ADGRB3: variants seen among roughly 807,000 people sequenced by gnomAD.
The protein encoded by ADGRB3 is adhesion G protein-coupled receptor B3.
In ADGRB3, 37 loss-of-function variants were observed where a neutral mutation model predicts 193.4. The observed-to-expected ratio is 0.19, with a 90% CI of 0.15 to 0.25. The LOEUF is 0.25. Among genes scored for constraint, ADGRB3 ranks in the 10% least tolerant of loss-of-function variants. The probability of loss-of-function intolerance (pLI) is 1.00; values close to 1 mark genes in which losing one functional copy is unlikely to be tolerated. For missense variants in ADGRB3, 1,637 were observed against 1,852.9 expected (o/e 0.88, Z 2.14); for synonymous variants, 690 against 644.2 (o/e 1.07, Z -1.08).
chr6:68,801,631 G>T (rs572676633), intron 3 of ADGRB3, among the ~76,000 whole-genome samples: 1 of 152,142 alleles, frequency 6.6e-6, no homozygotes, highest in Non-Finnish European at 1.5e-5. Flanking sequence ...AGAGGTTACG[G>T]TGAGCTGAGA....
intron 10 of ADGRB3, among the ~76,000 whole-genome samples, chr6:68,987,020 A>G (rs1769096669): frequency 6.6e-6 from 1 of 152,060 alleles, no homozygotes; most frequent in Non-Finnish European, 1.5e-5. Context: ...AAGAGCAACT[A>G]TTTTTAGACT....
At chr6:68,814,368 T>G (rs1473954546) in intron 3 of ADGRB3, among the ~76,000 whole-genome samples, 1 of 152,212 alleles carries the variant, frequency 6.6e-6, no homozygotes, top group Non-Finnish European at 1.5e-5. Flanking sequence ...TTGAGAAGTG[T>G]CTGTTCATAT....
intron 17 of ADGRB3, among the ~76,000 whole-genome samples, chr6:69,226,772 G>C (rs1404307489): frequency 6.6e-6 from 1 of 152,242 alleles, no homozygotes; most frequent in African/African-American, 2.4e-5. Flanking sequence ...CTTGGGGCTG[G>C]TTAATTGCGT....
intron 3 of ADGRB3, among the ~76,000 whole-genome samples, chr6:68,820,508 C>T (rs1767729461): frequency 6.6e-6 from 1 of 151,940 alleles, no homozygotes; most frequent in Admixed American, 6.6e-5. Flanking sequence ...ATTCAAATTG[C>T]ACTCTTTTAG....
intron 3 of ADGRB3, among the ~76,000 whole-genome samples, chr6:68,783,177 CTT>C (rs1428063798): frequency 2.0e-5 from 3 of 151,128 alleles, no homozygotes; most frequent in African/African-American, 7.3e-5. Flanking sequence ...AAAATTGAGA[CTT>C]TTAAAACTTA....
Position 69,038,597 on chromosome 6 carries a change from G to T in ADGRB3, c.2108-9588G>T, listed in dbSNP as rs575406451. Among the ~76,000 whole-genome samples, 8 of 152,226 alleles carry T rather than the reference G, an allele frequency of 5.3e-5. No homozygotes were observed. The East Asian group carries it at 1.5e-3, about 29-fold the overall frequency. ...TTTGGATTGAAATCATGAATTACTTGTGTAAAGAAGATGAACATTTACAAG... is the reference window on the plus strand; with the variant it reads ...TTTGGATTGAAATCATGAATTACTTTTGTAAAGAAGATGAACATTTACAAG... On this transcript the variant is annotated intron_variant, in intron 13 of 31. Transcript: ENST00000370598.
At chr6:68,885,249 TG>T (rs1765875282) in intron 3 of ADGRB3, among the ~76,000 whole-genome samples, 1 of 152,274 alleles carries the variant, frequency 6.6e-6, no homozygotes, top group East Asian at 1.9e-4. Context: ...AATTGAAAGA[TG>T]TTTTTGAGTG....
chr6:68,682,085 G>A (rs1368541512), intron 3 of ADGRB3, among the ~76,000 whole-genome samples: 1 of 152,148 alleles, frequency 6.6e-6, no homozygotes, highest in Non-Finnish European at 1.5e-5. Context: ...ACTGCAATTG[G>A]GGAACCAGTT....
chr6:68,920,931 G>A (rs562123387), intron 3 of ADGRB3, among the ~76,000 whole-genome samples: 1 of 152,236 alleles, frequency 6.6e-6, no homozygotes, highest in Admixed American at 6.5e-5. Context: ...GGTTGGAAAA[G>A]CCTATAGATG....
At position 68,672,140 on chromosome 6, in the gene ADGRB3, A is replaced by G. The variant is rs137863188; in HGVS notation, c.757+32708A>G. Among the ~76,000 whole-genome samples, 446 of 151,656 alleles carry G rather than the reference A, an allele frequency of 2.9e-3. 1 individual carries two copies. The highest frequency in any genetic ancestry group is 9.5e-3 in the African/African-American group (393 of 41,382). ...TTTCATCTCTGATTTTATTTATTTG[A>G]ATCCTCTCTCTTTTTTTTTCTTAGT... is the stretch of plus-strand genomic sequence containing the variant. On this transcript the variant is annotated intron_variant, in intron 3 of 31. Transcript: ENST00000370598.
At chr6:69,016,989 C>T (rs1179800796) in intron 12 of ADGRB3, among the ~76,000 whole-genome samples, 1 of 151,816 alleles carries the variant, frequency 6.6e-6, no homozygotes, top group African/African-American at 2.4e-5. Context: ...TAACAAAAAT[C>T]TTAGGCACAT....
At chr6:69,056,944 A>AT (rs1771561543) in intron 15 of ADGRB3, among the ~76,000 whole-genome samples, 1 of 151,936 alleles carries the variant, frequency 6.6e-6, no homozygotes, top group Non-Finnish European at 1.5e-5. Flanking sequence ...TGAATTTTAT[A>AT]TTTTTTTCCA....
intron 3 of ADGRB3, among the ~76,000 whole-genome samples, chr6:68,856,406 C>A (rs1413665306): frequency 6.6e-6 from 1 of 152,020 alleles, no homozygotes; most frequent in Non-Finnish European, 1.5e-5. Flanking sequence ...TGTTTTTGAC[C>A]AAAATTCTGA....
intron 3 of ADGRB3, among the ~76,000 whole-genome samples, chr6:68,744,121 G>A (rs1037093415): frequency 6.6e-6 from 1 of 151,946 alleles, no homozygotes; most frequent in Non-Finnish European, 1.5e-5. Context: ...GAAGAATAGA[G>A]CTAAGAATGA....
At chr6:69,068,569 A>G (rs1582436996) in intron 16 of ADGRB3, among the ~76,000 whole-genome samples, 1 of 152,194 alleles carries the variant, frequency 6.6e-6, no homozygotes, top group Admixed American at 6.6e-5. Flanking sequence ...TGTGGAGGCA[A>G]TGATTTTCTT....
At chr6:69,339,075 G>A in intron 25 of ADGRB3, 61 bp downstream of exon 25, 1 of 1,555,764 alleles carries the variant, frequency 6.4e-7, no homozygotes, top group Non-Finnish European at 8.8e-7. Context: ...GTGAGAAAAT[G>A]CTATGATGAA....
chr6:69,128,611 A>T (rs895134851), intron 17 of ADGRB3, among the ~76,000 whole-genome samples: 9 of 152,184 alleles, frequency 5.9e-5, no homozygotes, highest in Non-Finnish European at 1.3e-4. Flanking sequence ...ATCCAGGCTC[A>T]AAGCCAAGCA....
chr6:68,956,196 T>C lies in ADGRB3; in HGVS notation c.1360+8T>C. On this transcript the variant is annotated splice_region_variant and intron_variant, in intron 7 of 31. Transcript: ENST00000370598. ...ATAACCCTGAATGTACAGGTAGGGC[T>C]TGATTCCTGCATATCATGGGCACTC... 1 of 1,597,852 alleles carries C rather than the reference T, an allele frequency of 6.3e-7. No individual in the cohort carries two copies. The highest frequency in any genetic ancestry group is 8.5e-7 in the Non-Finnish European group (1 of 1,169,784).
intron 17 of ADGRB3, among the ~76,000 whole-genome samples, chr6:69,165,166 T>G (rs1775099443): frequency 6.6e-6 from 1 of 152,204 alleles, no homozygotes; most frequent in South Asian, 2.1e-4. Context: ...TGGTTTTTCA[T>G]TTTGACAACA....
Sources: allele counts gnomAD v4.1 joint callset (sites outside exome capture counted in the v4.1 genomes callset), GRCh38; gene constraint gnomAD v4.1.1; transcripts MANE v1.5; gene names NCBI Gene and HGNC (gene_info 2026-07-23, HGNC 2026-07-21).